The following PLEKHG1 variants were observed in gnomAD, a reference collection of about 807,000 sequenced individuals.
PLEKHG1 encodes the protein pleckstrin homology and RhoGEF domain containing G1.
A neutral mutation model predicts 100.8 loss-of-function variants in PLEKHG1; 44 were observed. The ratio of observed to expected loss-of-function variants is 0.44; its 90% CI spans 0.34 to 0.56. The LOEUF (loss-of-function observed/expected upper bound fraction) is 0.56. Among genes scored for constraint, PLEKHG1 ranks in the 20% least tolerant of loss-of-function variants. The pLI is 0.01. For missense variants in PLEKHG1, 1,545 were observed against 1,720.9 expected, an observed-to-expected ratio of 0.90 and a Z score of 1.81; for synonymous variants, 640 against 662.5, an observed-to-expected ratio of 0.97 and a Z score of 0.52.
At chr6:150,758,729 T>A (rs2128633340) in intron 2 of PLEKHG1, among the ~76,000 whole-genome samples, 1 of 152,372 alleles carries the variant, frequency 6.6e-6, no homozygotes, top group Admixed American at 6.5e-5. Flanking sequence ...TCAGTGGTGT[T>A]GAGCTTTTTT....
intron 1 of PLEKHG1, among the ~76,000 whole-genome samples, chr6:150,621,430 A>G: frequency 6.6e-6 from 1 of 150,840 alleles, no homozygotes; most frequent in South Asian, 2.1e-4. Flanking sequence ...GCTGGAATAC[A>G]GTGGCACAAT....
chr6:150,614,033 A>G (rs1307579569), intron 1 of PLEKHG1, among the ~76,000 whole-genome samples: 4 of 152,226 alleles, frequency 2.6e-5, no homozygotes, highest in African/African-American at 9.6e-5. Flanking sequence ...GCACTGCAGT[A>G]TTTAAATGGA....
chr6:150,622,044 C>T (rs1014985768), intron 1 of PLEKHG1, among the ~76,000 whole-genome samples: 3 of 152,088 alleles, frequency 2.0e-5, no homozygotes, highest in African/African-American at 4.8e-5. Flanking sequence ...TCCCTAATAC[C>T]ATTTCCTCCT....
chr6:150,638,458 C>G (rs1562400702), intron 2 of PLEKHG1, among the ~76,000 whole-genome samples: 1 of 152,178 alleles, frequency 6.6e-6, no homozygotes, highest in African/African-American at 2.4e-5. Context: ...CTGATTTTTT[C>G]CTAACATTCA....
chr6:150,752,732 A>G (rs1328170401), intron 2 of PLEKHG1, among the ~76,000 whole-genome samples: 1 of 152,204 alleles, frequency 6.6e-6, no homozygotes, highest in African/African-American at 2.4e-5. Flanking sequence ...TTACTCTGTA[A>G]GGGGAGGAGG....
intron 1 of PLEKHG1, among the ~76,000 whole-genome samples, chr6:150,619,812 T>G (rs1777220657): frequency 6.6e-6 from 1 of 152,222 alleles, no homozygotes; most frequent in Non-Finnish European, 1.5e-5. Flanking sequence ...GGGCTTAGGA[T>G]AGCGCTACTC....
intron 10 of PLEKHG1, among the ~76,000 whole-genome samples, chr6:150,815,491 G>T (rs1361463660): frequency 6.6e-6 from 1 of 152,214 alleles, no homozygotes; most frequent in African/African-American, 2.4e-5. Context: ...AAATAAAGGT[G>T]AAGGTATTTT....
At chr6:150,721,089 A>C (rs1389172790) in exon 1 of PLEKHG1, 1 of 939,956 alleles carries the variant, frequency 1.1e-6, no homozygotes, top group Non-Finnish European at 1.3e-6. Context: ...GACTCATGCA[A>C]TATTTCTACG....
chr6:150,813,953 G>A (rs1460575773), intron 10 of PLEKHG1, among the ~76,000 whole-genome samples: 1 of 152,122 alleles, frequency 6.6e-6, no homozygotes, highest in Non-Finnish European at 1.5e-5. Flanking sequence ...TGGAAAATAA[G>A]GGCTGAGATT....
intron 3 of PLEKHG1, among the ~76,000 whole-genome samples, chr6:150,673,042 A>G (rs1779630357): frequency 6.6e-6 from 1 of 152,200 alleles, no homozygotes; most frequent in Admixed American, 6.5e-5. Context: ...AAACATTGAA[A>G]CTGATTTTTT....
intron 1 of PLEKHG1, among the ~76,000 whole-genome samples, chr6:150,731,555 A>G (rs7744206): frequency 0.19 from 28,837 of 152,162 alleles, 4,387 homozygotes; most frequent in African/African-American, 0.42. Context: ...GATCTTTATT[A>G]TAGAATCAAA....
intron 1 of PLEKHG1, among the ~76,000 whole-genome samples, chr6:150,601,913 A>G (rs143374094): frequency 1.3e-5 from 2 of 152,324 alleles, no homozygotes; most frequent in African/African-American, 4.8e-5. Context: ...TGCCTTTAAT[A>G]TAGGTGACTG....
intron 3 of PLEKHG1, among the ~76,000 whole-genome samples, chr6:150,678,796 T>G (rs904456364): frequency 6.6e-6 from 1 of 152,234 alleles, no homozygotes; most frequent in Non-Finnish European, 1.5e-5. Flanking sequence ...TGTTAGGAAT[T>G]GGTTCTAACC....
At chr6:150,725,209 G>A (rs1441316422) in intron 1 of PLEKHG1, among the ~76,000 whole-genome samples, 1 of 152,246 alleles carries the variant, frequency 6.6e-6, no homozygotes, top group Non-Finnish European at 1.5e-5. Context: ...GAGCAAACAA[G>A]CTCCCTCTGT....
At chr6:150,811,476 G>T (rs913081241) in intron 10 of PLEKHG1, among the ~76,000 whole-genome samples, 5 of 151,962 alleles carry the variant, frequency 3.3e-5, no homozygotes, top group Admixed American at 1.3e-4. Context: ...TCATCATCTT[G>T]CCCAGGCTGG....
chr6:150,638,577 C>A (rs979986785), intron 2 of PLEKHG1, among the ~76,000 whole-genome samples: 2 of 152,158 alleles, frequency 1.3e-5, no homozygotes, highest in Non-Finnish European at 2.9e-5. Context: ...GTCAAGAGGA[C>A]AAGAAAATTC....
At chr6:150,748,472 C>T (rs1346306724) in intron 2 of PLEKHG1, among the ~76,000 whole-genome samples, 2 of 152,134 alleles carry the variant, frequency 1.3e-5, no homozygotes, top group Non-Finnish European at 2.9e-5. Context: ...CTGTCTGACA[C>T]TTAATAGGCC....
At chr6:150,815,224 A>G (rs1190920214) in intron 10 of PLEKHG1, among the ~76,000 whole-genome samples, 1 of 152,252 alleles carries the variant, frequency 6.6e-6, no homozygotes, top group Non-Finnish European at 1.5e-5. Context: ...ATGTATCACC[A>G]GTCTAATAAT....
chr6:150,770,317 C>G (rs185537967), intron 3 of PLEKHG1, among the ~76,000 whole-genome samples: 13 of 152,326 alleles, frequency 8.5e-5, no homozygotes, highest in South Asian at 6.2e-4. Context: ...ACACCTAGCA[C>G]AAGCCTGACC....
Sources: gnomAD v4.1 joint callset for allele counts (sites outside exome capture counted in the v4.1 genomes callset) on GRCh38, gnomAD v4.1.1 for gene constraint, MANE v1.5 for transcripts, NCBI Gene and HGNC (gene_info 2026-07-23, HGNC 2026-07-21) for gene names.